The following GNAI1 variants were observed in gnomAD, a reference collection of about 807,000 sequenced individuals.
The protein encoded by GNAI1 is guanine nucleotide-binding protein G(i) subunit alpha-1.
GNAI1 carries 11 observed loss-of-function variants against 38.9 expected under a neutral mutation model. The ratio of observed to expected loss-of-function variants is 0.28; its 90% CI spans 0.18 to 0.47. The LOEUF (loss-of-function observed/expected upper bound fraction) is 0.47. Ranked by LOEUF, GNAI1 falls within the 20% of genes least tolerant of loss-of-function variation. GNAI1 has a pLI of 0.99. For synonymous variants in GNAI1, 166 were observed against 145.1 expected, an observed-to-expected ratio of 1.14 and a Z score of -1.04; for missense variants, 317 against 436.9, an observed-to-expected ratio of 0.73 and a Z score of 2.45.
intron 3 of GNAI1, among the ~76,000 whole-genome samples, chr7:80,196,131 T>C (rs1408400962): frequency 6.6e-6 from 1 of 152,014 alleles, no homozygotes; most frequent in Non-Finnish European, 1.5e-5. Context: ...ATTATTTGTC[T>C]CTTTGACAAA....
intron 5 of GNAI1, among the ~76,000 whole-genome samples, chr7:80,209,241 A>G (rs1343617448): frequency 6.6e-6 from 1 of 152,198 alleles, no homozygotes; most frequent in Non-Finnish European, 1.5e-5. Context: ...TATCATCAGT[A>G]TTCACCAGAA....
chr7:80,195,880 AT>A (rs1737366512), intron 3 of GNAI1, among the ~76,000 whole-genome samples: 2 of 151,790 alleles, frequency 1.3e-5, no homozygotes, highest in Non-Finnish European at 2.9e-5. Flanking sequence ...ATGAACTCTG[AT>A]ATCTTTTGCT....
chr7:80,191,644 G>A (rs1584039662), intron 3 of GNAI1, among the ~76,000 whole-genome samples: 1 of 151,962 alleles, frequency 6.6e-6, no homozygotes. Flanking sequence ...CGCCCACCTC[G>A]GCCTCCCAAA....
chr7:80,185,166 T>A (rs143278741), intron 1 of GNAI1, among the ~76,000 whole-genome samples: 2 of 152,264 alleles, frequency 1.3e-5, no homozygotes, highest in Non-Finnish European at 2.9e-5. Flanking sequence ...TTTACAATAT[T>A]GTTTCCTGCT....
chr7:80,151,410 A>T (rs1346052585), intron 1 of GNAI1, among the ~76,000 whole-genome samples: 1 of 152,196 alleles, frequency 6.6e-6, no homozygotes, highest in Admixed American at 6.5e-5. Context: ...CCAAAAAAAA[A>T]AAATTACACA....
intron 1 of GNAI1, among the ~76,000 whole-genome samples, chr7:80,136,695 T>C (rs1232815393): frequency 6.6e-6 from 1 of 152,234 alleles, no homozygotes; most frequent in Non-Finnish European, 1.5e-5. Flanking sequence ...GAGATAGATA[T>C]GAAATAAGAG....
chr7:80,217,237 A>ACTTCAGTGTC, intron 7 of GNAI1, 66 bp from the exon 8 acceptor site: 3 of 1,037,950 alleles, frequency 2.9e-6, no homozygotes, highest in East Asian at 2.5e-5. Flanking sequence ...TATGAAACTG[A>ACTTCAGTGTC]ATTCAGTATT....
At chr7:80,186,578 C>T (rs1788389758) in intron 1 of GNAI1, among the ~76,000 whole-genome samples, 2 of 152,012 alleles carry the variant, frequency 1.3e-5, no homozygotes, top group African/African-American at 2.4e-5. Flanking sequence ...TTCTGATTTT[C>T]TTCCTTTCGT....
At chr7:80,171,379 T>G (rs527810530) in intron 1 of GNAI1, among the ~76,000 whole-genome samples, 20 of 152,324 alleles carry the variant, frequency 1.3e-4, no homozygotes, top group African/African-American at 4.6e-4. Context: ...TGCACCATCA[T>G]TTATCATTGT....
At chr7:80,163,311 G>T (rs1787954613) in intron 1 of GNAI1, among the ~76,000 whole-genome samples, 1 of 152,076 alleles carries the variant, frequency 6.6e-6, no homozygotes, top group South Asian at 2.1e-4. Flanking sequence ...GCCCTTCTGT[G>T]GGTAGGTTCA....
At chr7:80,146,263 T>C (rs1318271706) in intron 1 of GNAI1, among the ~76,000 whole-genome samples, 1 of 152,168 alleles carries the variant, frequency 6.6e-6, no homozygotes, top group Non-Finnish European at 1.5e-5. Flanking sequence ...CTGAATGCCC[T>C]GTAGCTCCCA....
chr7:80,160,560 G>A (rs1787906774), intron 1 of GNAI1, among the ~76,000 whole-genome samples: 2 of 152,036 alleles, frequency 1.3e-5, no homozygotes, highest in African/African-American at 4.8e-5. Flanking sequence ...GTTTTGGTCT[G>A]CAAACATTTT....
chr7:80,190,335 C>G (rs1788460183), intron 3 of GNAI1, among the ~76,000 whole-genome samples: 1 of 151,844 alleles, frequency 6.6e-6, no homozygotes, highest in Admixed American at 6.6e-5. Context: ...AAAAAGCTTA[C>G]TGTCATTAAT....
chr7:80,217,244 T>TTTCATATGTATGAACCTGA, intron 7 of GNAI1, 59 bp from the exon 8 acceptor site: 8 of 1,093,792 alleles, frequency 7.3e-6, no homozygotes, highest in South Asian at 1.7e-5. Flanking sequence ...CTGAATTCAG[T>TTTCATATGTATGAACCTGA]ATTTTAAGCA....
At chr7:80,179,655 A>C (rs367835899) in intron 1 of GNAI1, among the ~76,000 whole-genome samples, 1 of 152,288 alleles carries the variant, frequency 6.6e-6, no homozygotes, top group Middle Eastern at 3.4e-3. Flanking sequence ...ACAATTTACC[A>C]TATCACCATT....
At chr7:80,179,499 T>C (rs1788253709) in intron 1 of GNAI1, among the ~76,000 whole-genome samples, 1 of 152,184 alleles carries the variant, frequency 6.6e-6, no homozygotes, top group African/African-American at 2.4e-5. Flanking sequence ...AATACTAGAA[T>C]TTTAAAAAGA....
chr7:80,201,765 C>T (rs1788689798), intron 4 of GNAI1, among the ~76,000 whole-genome samples: 1 of 152,084 alleles, frequency 6.6e-6, no homozygotes, highest in South Asian at 2.1e-4. Context: ...AAATATGTTG[C>T]TTTAGTTTTA....
rs185117330 is a variant in GNAI1 at position 80,206,478 on chromosome 7, C to T, written c.590+2646C>T. 2.1e-4 allele frequency among the ~76,000 whole-genome samples: 32 copies of T among 152,078 alleles called. No individual in the cohort carries two copies. The East Asian group carries it at 5.4e-3, about 26-fold the overall frequency. ...ATAAACAAACTCAGTACTCTGATTT[C>T]AAGTAATCAGATATGTCTGATCTGG... On this transcript the variant is annotated intron_variant, in intron 5 of 7. Transcript: ENST00000649796.
chr7:80,153,322 T>C (rs1417666060), intron 1 of GNAI1, among the ~76,000 whole-genome samples: 2 of 152,234 alleles, frequency 1.3e-5, no homozygotes, highest in Non-Finnish European at 2.9e-5. Context: ...GTTTTGATTA[T>C]ACAATGTGCA....
Sources: allele counts gnomAD v4.1 joint callset (sites outside exome capture counted in the v4.1 genomes callset), GRCh38; gene constraint gnomAD v4.1.1; transcripts MANE v1.5; gene names NCBI Gene and HGNC (gene_info 2026-07-23, HGNC 2026-07-21).